Variants in LRBA observed in about 807,000 individuals in gnomAD.
The protein encoded by LRBA is LPS responsive beige-like anchor protein.
Under a neutral mutation model 330.0 loss-of-function variants are expected in LRBA, and 176 were observed. The observed-to-expected ratio is 0.53, with a 90% CI of 0.47 to 0.60. The LOEUF (loss-of-function observed/expected upper bound fraction) is 0.60, where lower values mean the gene tolerates loss of function less well. Among genes scored for constraint, LRBA ranks in the 20% least tolerant of loss-of-function variants. The pLI, the probability that LRBA is intolerant of heterozygous loss-of-function variation, is 0.00. For missense variants in LRBA, 3,259 were observed against 3,444.8 expected (o/e 0.95, Z 1.35); for synonymous variants, 1,230 against 1,193.0 (o/e 1.03, Z -0.64).
chr4:150,627,633 T>C (rs941567099), intron 37 of LRBA, among the ~76,000 whole-genome samples: 1 of 152,054 alleles, frequency 6.6e-6, no homozygotes, highest in African/African-American at 2.4e-5. Context: ...ATGTAAGATA[T>C]ATTTCTTGTT....
At chr4:150,319,554 A>G (rs775918196) in intron 50 of LRBA, among the ~76,000 whole-genome samples, 31 of 152,192 alleles carry the variant, frequency 2.0e-4, no homozygotes, top group Non-Finnish European at 3.4e-4. Flanking sequence ...ATTTTCATAA[A>G]TATTTACTTC....
In LRBA at chr4:150,553,000, C is replaced by T. The variant is rs573260182; in HGVS notation, c.6330+35048G>A. ...AGGAGAATGGCATGAACCCGGGAAACGGAGCTTGCAGTGAGCCGAGATCAT... is the reference window on the plus strand; with the variant it reads ...AGGAGAATGGCATGAACCCGGGAAATGGAGCTTGCAGTGAGCCGAGATCAT... On this transcript the variant is annotated intron_variant, in intron 40 of 56. Coordinates refer to ENST00000651943, the MANE Select transcript of LRBA (RefSeq NM_001364905.1). Among the ~76,000 whole-genome samples, 10 of 150,984 alleles carry T rather than the reference C, an allele frequency of 6.6e-5. No homozygotes were observed. The East Asian group carries it at 1.2e-3, about 18-fold the overall frequency.
rs1276929990 is a variant in LRBA at position 150,432,453 on chromosome 4, C to CCT, written c.7041+3135_7041+3136insAG. ...TATATTACAGTAATTTAAGTGTGTT[C>CCT]TTTTTTTTTTTTTTTTTTTTTTTTG... On this transcript the variant is annotated intron_variant, in intron 46 of 56. Transcript: ENST00000651943. 4.1e-5 allele frequency among the ~76,000 whole-genome samples: 4 copies of CCT among 98,438 alleles called. No homozygotes were observed. The Admixed American group carries it at 4.4e-4, about 11-fold the overall frequency. The allele number at this position is 98,438 out of a possible 152,430, so 64.6% of individuals were successfully genotyped here.
chr4:150,508,571 A>G (rs1581531351), intron 40 of LRBA, among the ~76,000 whole-genome samples: 1 of 152,186 alleles, frequency 6.6e-6, no homozygotes, highest in African/African-American at 2.4e-5. Flanking sequence ...TATAGGCAGG[A>G]GCCACCACGT....
intron 47 of LRBA, among the ~76,000 whole-genome samples, chr4:150,371,181 A>ATTTTTTTTTTTTTTTT (rs1274384749): frequency 2.2e-5 from 3 of 136,816 alleles, no homozygotes; most frequent in African/African-American, 9.6e-5. Flanking sequence ...CAAGCTACTA[A>ATTTTTTTTTTTTTTTT]ATTTTTTTTT....
chr4:150,912,514 A>G (rs888416175), intron 9 of LRBA, among the ~76,000 whole-genome samples: 1 of 152,244 alleles, frequency 6.6e-6, no homozygotes, highest in Non-Finnish European at 1.5e-5. Context: ...GGTGAGTCGT[A>G]TAATTATTTC....
At chr4:150,396,480 T>TCACACTCACACACA (rs1744750750) in intron 47 of LRBA, among the ~76,000 whole-genome samples, 1 of 145,774 alleles carries the variant, frequency 6.9e-6, no homozygotes, top group Non-Finnish European at 1.5e-5. Flanking sequence ...AAATCTCATC[T>TCACACTCACACACA]CACACACACA....
intron 46 of LRBA, among the ~76,000 whole-genome samples, chr4:150,424,847 C>T (rs537319303): frequency 1.3e-5 from 2 of 152,320 alleles, no homozygotes; most frequent in South Asian, 2.1e-4. Context: ...AATGAAATGA[C>T]GTTATTTGAG....
intron 36 of LRBA, among the ~76,000 whole-genome samples, chr4:150,719,115 C>A (rs1402361667): frequency 2.6e-5 from 4 of 152,142 alleles, no homozygotes; most frequent in African/African-American, 4.8e-5. Flanking sequence ...TCATTCCTCA[C>A]CGAAACTGAA....
intron 15 of LRBA, among the ~76,000 whole-genome samples, chr4:150,897,462 A>G (rs1014796998): frequency 9.9e-5 from 15 of 152,074 alleles, no homozygotes; most frequent in African/African-American, 3.4e-4. Context: ...ATACTAACAG[A>G]AACATAGTAA....
rs1015318367 is a variant in LRBA at position 150,278,004 on chromosome 4, C to T, written c.8317G>A (p.Ala2773Thr). Residue 2773 changes from alanine (A) to threonine (T), a missense_variant and splice_region_variant, in exon 56 of 57, where the codon GCC becomes ACC. Ala to Thr is a moderately conservative substitution (Grantham distance 58). Coordinates refer to ENST00000651943, the MANE Select transcript of LRBA (RefSeq NM_001364905.1). Reference protein sequence around the residue: ...ATMETDDNIRAIQLSRDGQYL... With the variant: ...ATMETDDNIRTIQLSRDGQYL... The stretch of plus-strand genomic sequence containing the variant: ...TGCCCATCTCGGCTCAGCTGGATGG[C>T]CTGTGAGACACAGCAACATTCAGTA... 3 of 1,613,228 alleles carry T rather than the reference C, an allele frequency of 1.9e-6. No homozygotes were observed. The highest frequency in any genetic ancestry group is 1.3e-5 in the African/African-American group (1 of 74,900).
intron 30 of LRBA, among the ~76,000 whole-genome samples, chr4:150,819,208 C>A (rs1745061652): frequency 6.7e-6 from 1 of 149,802 alleles, no homozygotes; most frequent in Non-Finnish European, 1.5e-5. Flanking sequence ...TTTTAACATG[C>A]ATGTCTAGAA....
At chr4:150,379,303 CAAAAAAAAAAAAAA>C (rs10634420) in intron 47 of LRBA, among the ~76,000 whole-genome samples, 1 of 59,884 alleles carries the variant, frequency 1.7e-5, no homozygotes, top group Admixed American at 2.6e-4. Flanking sequence ...AACTCTAGCT[CAAAAAAAAAAAAAA>C]AAAAAAAAAG....
At chr4:150,938,205 C>G (rs1735296020) in intron 2 of LRBA, among the ~76,000 whole-genome samples, 1 of 151,880 alleles carries the variant, frequency 6.6e-6, no homozygotes, top group Non-Finnish European at 1.5e-5. Context: ...GCTTTTTTCT[C>G]TGAACCTATT....
intron 35 of LRBA, 145 bp downstream of exon 35, chr4:150,761,638 T>C (rs1735101018): frequency 2.1e-6 from 1 of 485,986 alleles, no homozygotes; most frequent in Non-Finnish European, 3.7e-6. Flanking sequence ...AATATTAACA[T>C]ATACATAATA....
At chr4:150,427,283 A>G (rs1056925175) in intron 46 of LRBA, among the ~76,000 whole-genome samples, 65 of 152,112 alleles carry the variant, frequency 4.3e-4, no homozygotes, top group African/African-American at 1.5e-3. Context: ...TAGGTTTTTA[A>G]TTTTCCTGTA....
In LRBA at chr4:150,704,693, C is replaced by A. The variant is rs535102410; in HGVS notation, c.5755-20976G>T. 2.7e-4 allele frequency among the ~76,000 whole-genome samples: 41 copies of A among 151,990 alleles called. No individual in the cohort carries two copies. In the Middle Eastern group the frequency reaches 0.01, roughly 38 times the overall value. On this transcript the variant is annotated intron_variant, in intron 36 of 56. Transcript: ENST00000651943. ...ATTACAAAATAAGTTGAAGCAGCAG[C>A]ACAGAATTTATATTTTTTGTGATTG...
chr4:150,425,086 T>A (rs1749388116), intron 46 of LRBA, among the ~76,000 whole-genome samples: 1 of 152,222 alleles, frequency 6.6e-6, no homozygotes, highest in Non-Finnish European at 1.5e-5. Context: ...TAAAAGCATC[T>A]TTCTAAGAAC....
chr4:150,533,637 T>C (rs1009263918), intron 40 of LRBA, among the ~76,000 whole-genome samples: 3 of 152,220 alleles, frequency 2.0e-5, no homozygotes, highest in Non-Finnish European at 4.4e-5. Context: ...ACCTGGATAC[T>C]TTAAGTATTT....
Sources: allele counts gnomAD v4.1 joint callset (sites outside exome capture counted in the v4.1 genomes callset), GRCh38; gene constraint gnomAD v4.1.1; transcripts MANE v1.5; gene names NCBI Gene and HGNC (gene_info 2026-07-23, HGNC 2026-07-21).